The following RBFOX1 variants were observed in gnomAD, a reference collection of about 807,000 sequenced individuals.
RBFOX1 encodes the protein RNA binding fox-1 homolog 1, also known as RNA binding protein fox-1 homolog 1.
Under a neutral mutation model 57.7 loss-of-function variants are expected in RBFOX1, and 8 were observed. The ratio of observed to expected loss-of-function variants is 0.14; its 90% confidence interval spans 0.08 to 0.25. The LOEUF (loss-of-function observed/expected upper bound fraction) is 0.25. RBFOX1 is among the 10% of genes least tolerant of loss of function. The pLI is 1.00. For synonymous variants in RBFOX1, 326 were observed against 222.4 expected (o/e 1.47, Z -4.15); for missense variants, 611 against 548.5 (o/e 1.11, Z -1.14).
At chr16:7,477,470 C>T (rs914948816) in intron 4 of RBFOX1, among the ~76,000 whole-genome samples, 6 of 152,120 alleles carry the variant, frequency 3.9e-5, no homozygotes, top group African/African-American at 1.2e-4. Flanking sequence ...TCAACAGCCC[C>T]TTCCTGCCCA....
At chr16:6,751,749 C>A (rs956900036) in intron 3 of RBFOX1, among the ~76,000 whole-genome samples, 1 of 152,090 alleles carries the variant, frequency 6.6e-6, no homozygotes, top group African/African-American at 2.4e-5. Flanking sequence ...ATTGAACCTG[C>A]GTTGTTTACT....
At chr16:5,658,847 A>G (rs932200264) in intron 3 of RBFOX1, among the ~76,000 whole-genome samples, 1 of 148,400 alleles carries the variant, frequency 6.7e-6, no homozygotes, top group African/African-American at 2.4e-5. Flanking sequence ...TATATAATAT[A>G]TGTATATATA....
chr16:7,193,864 T>G (rs768825976), intron 4 of RBFOX1, among the ~76,000 whole-genome samples: 11 of 152,016 alleles, frequency 7.2e-5, no homozygotes, highest in African/African-American at 1.2e-4. Flanking sequence ...AATGAAAGAA[T>G]GACAGACTAA....
intron 2 of RBFOX1, among the ~76,000 whole-genome samples, chr16:6,619,611 C>T (rs1023765868): frequency 4.0e-5 from 6 of 151,400 alleles, no homozygotes; most frequent in Admixed American, 6.6e-5. Flanking sequence ...TAGGAGACTG[C>T]CTTTTTGGTG....
At chr16:6,547,913 G>T (rs1390226861) in intron 2 of RBFOX1, among the ~76,000 whole-genome samples, 3 of 152,100 alleles carry the variant, frequency 2.0e-5, no homozygotes, top group African/African-American at 7.2e-5. Flanking sequence ...CTAAACCCCA[G>T]ACTGCAAGCG....
chr16:6,920,871 C>T (rs981034419), intron 3 of RBFOX1, among the ~76,000 whole-genome samples: 1 of 152,216 alleles, frequency 6.6e-6, no homozygotes, highest in Non-Finnish European at 1.5e-5. Flanking sequence ...AGCTTTATTT[C>T]CAAATAGGGT....
intron 3 of RBFOX1, among the ~76,000 whole-genome samples, chr16:5,734,604 G>C (rs1325199917): frequency 6.6e-6 from 1 of 152,096 alleles, no homozygotes; most frequent in African/African-American, 2.4e-5. Context: ...TCTTGCTCAG[G>C]TCCACTGATC....
At chr16:5,875,672 T>C (rs1331692791) in intron 4 of RBFOX1, among the ~76,000 whole-genome samples, 2 of 152,182 alleles carry the variant, frequency 1.3e-5, no homozygotes, top group African/African-American at 4.8e-5. Flanking sequence ...ATTCCTGGCG[T>C]CTGAACCCAC....
At chr16:6,990,176 A>G (rs2091184512) in intron 3 of RBFOX1, among the ~76,000 whole-genome samples, 3 of 152,302 alleles carry the variant, frequency 2.0e-5, no homozygotes, top group South Asian at 2.1e-4. Context: ...TGTGTTGAAG[A>G]AATGAATGGA....
In RBFOX1 at chr16:7,271,692, A is replaced by G. The variant is rs1047643309; in HGVS notation, c.27+219594A>G. On this transcript the variant is annotated intron_variant, in intron 4 of 15. Coordinates refer to ENST00000550418, the MANE Select transcript of RBFOX1 (RefSeq NM_018723.4). ...AAATGCCAGATGTCGGGAAACAGTG[A>G]TTTAAAAGGAAATATTTCATGGGGG... 6.6e-5 allele frequency among the ~76,000 whole-genome samples: 10 copies of G among 152,142 alleles called. 1 individual carries two copies. Among genetic ancestry groups the G allele is most frequent in the Non-Finnish European group, 1.3e-4 (9 of 68,036 alleles).
chr16:6,653,488 G>T (rs950642522), intron 2 of RBFOX1, among the ~76,000 whole-genome samples: 2 of 152,128 alleles, frequency 1.3e-5, no homozygotes, highest in African/African-American at 4.8e-5. Flanking sequence ...CTGTCATTTT[G>T]TCTAATTAAT....
At chr16:6,032,254 C>G (rs952078135) in intron 1 of RBFOX1, among the ~76,000 whole-genome samples, 1 of 152,060 alleles carries the variant, frequency 6.6e-6, no homozygotes, top group African/African-American at 2.4e-5. Flanking sequence ...AGGGTGTGGT[C>G]CCCCTGTGTC....
intron 1 of RBFOX1, among the ~76,000 whole-genome samples, chr16:5,251,710 G>C (rs1367267274): frequency 6.6e-6 from 1 of 152,026 alleles, no homozygotes; most frequent in East Asian, 1.9e-4. Flanking sequence ...GGGGCCTGAG[G>C]AAATTTTCTG....
chr16:6,590,023 G>C (rs1169600744), intron 2 of RBFOX1, among the ~76,000 whole-genome samples: 1 of 152,140 alleles, frequency 6.6e-6, no homozygotes, highest in East Asian at 1.9e-4. Context: ...TCTTAGTCTT[G>C]GTTGGGGATC....
chr16:6,638,618 T>A (rs1276477981), intron 2 of RBFOX1, among the ~76,000 whole-genome samples: 2 of 152,170 alleles, frequency 1.3e-5, no homozygotes, highest in Non-Finnish European at 2.9e-5. Context: ...ACACATAGAT[T>A]GAACAAATTT....
chr16:7,320,168 A>G (rs557130552), intron 4 of RBFOX1, among the ~76,000 whole-genome samples: 2 of 152,272 alleles, frequency 1.3e-5, no homozygotes, highest in South Asian at 4.1e-4. Flanking sequence ...TGCACCCATC[A>G]ACCCATCAGC....
chr16:7,706,958 C>T (rs1312636431), intron 14 of RBFOX1, among the ~76,000 whole-genome samples: 1 of 152,090 alleles, frequency 6.6e-6, no homozygotes, highest in Non-Finnish European at 1.5e-5. Context: ...CCTGTTTTTC[C>T]TCCCAGAAAG....
rs146210467 is a variant in RBFOX1 at position 6,629,973 on chromosome 16, TAA to T, written c.-63-24619_-63-24618del. ...TATTTCGGTAGGTTTTTTTTTTTTT[TAA>T]AAAAAAAAAAGACCATTGCTTTCAG... On this transcript the variant is annotated intron_variant, in intron 2 of 15. Transcript: ENST00000550418. Among the ~76,000 whole-genome samples the T allele has an allele frequency of 2.3e-4, 30 of 129,968 alleles. 1 individual carries two copies. Among genetic ancestry groups the T allele is most frequent in the African/African-American group, 8.5e-4 (30 of 35,332 alleles). The allele number at this position is 129,968 out of a possible 152,430, so 85.3% of individuals were successfully genotyped here.
intron 3 of RBFOX1, among the ~76,000 whole-genome samples, chr16:6,788,815 G>A (rs1300236227): frequency 6.6e-6 from 1 of 151,916 alleles, no homozygotes; most frequent in Admixed American, 6.6e-5. Context: ...GATGTCATAC[G>A]ATGTGCCAAT....
Sources: allele counts gnomAD v4.1 joint callset (sites outside exome capture counted in the v4.1 genomes callset), GRCh38; gene constraint gnomAD v4.1.1; transcripts MANE v1.5; gene names NCBI Gene and HGNC (gene_info 2026-07-23, HGNC 2026-07-21).